AKT3: variants seen among roughly 807,000 people sequenced by gnomAD.
The protein encoded by AKT3 is RAC-gamma serine/threonine-protein kinase.
A neutral mutation model predicts 65.3 loss-of-function variants in AKT3; 15 were observed. The ratio of observed to expected loss-of-function variants is 0.23; its 90% confidence interval spans 0.15 to 0.35. AKT3 has a LOEUF of 0.35. Among genes scored for constraint, AKT3 ranks in the 10% least tolerant of loss-of-function variants. AKT3 has a pLI of 1.00. For missense variants in AKT3, 243 were observed against 576.5 expected (o/e 0.42, Z 5.92); for synonymous variants, 206 against 183.8 (o/e 1.12, Z -0.98).
chr1:243,799,987 T>TC (rs1254635769), intron 2 of AKT3, among the ~76,000 whole-genome samples: 1 of 151,630 alleles, frequency 6.6e-6, no homozygotes. Flanking sequence ...AACTTAAAGT[T>TC]CCTTTTTTTT....
chr1:243,619,445 A>ATTG (rs1480094493), intron 6 of AKT3, among the ~76,000 whole-genome samples: 32 of 40,860 alleles, frequency 7.8e-4, no homozygotes, highest in Admixed American at 3.2e-3. Context: ...ACTATCTAAC[A>ATTG]CTAGGTCTTA....
chr1:243,602,259 A>G (rs1017989045), intron 8 of AKT3, among the ~76,000 whole-genome samples: 6 of 152,164 alleles, frequency 3.9e-5, no homozygotes, highest in African/African-American at 1.4e-4. Context: ...CCGACTTTAC[A>G]TTGCCTTTAG....
At chr1:243,496,335 G>A (rs570135435), downstream of AKT3, among the ~76,000 whole-genome samples, 3 of 151,274 alleles carry the variant, frequency 2.0e-5, no homozygotes, top group South Asian at 4.1e-4. Flanking sequence ...AACACGAGGC[G>A]GAGGCGGGAG....
In AKT3 at chr1:243,503,580, C is replaced by G. The variant is rs889473689; in HGVS notation, c.*1669G>C. 4.3e-6 allele frequency: 1 copy of G among 232,978 alleles called. No individual in the cohort carries two copies. The highest frequency in any genetic ancestry group is 2.2e-5 in the African/African-American group (1 of 45,212). The allele number at this position is 232,978 out of a possible 1,614,324, so 14.4% of individuals were successfully genotyped here. On this transcript the variant is annotated 3_prime_UTR_variant, in exon 14 of 14. Coordinates refer to ENST00000673466, the MANE Select transcript of AKT3 (RefSeq NM_005465.7). ...CTTTGGAAATTGTCAGCTCCTAGCA[C>G]CAAAGGGTTTAATCTGAAGATCATC...
chr1:243,828,720 G>A (rs775202534), intron 2 of AKT3, among the ~76,000 whole-genome samples: 3 of 151,974 alleles, frequency 2.0e-5, no homozygotes, highest in East Asian at 1.9e-4. Context: ...TGTTATCCGC[G>A]AGGCTTCCAG....
intron 6 of AKT3, among the ~76,000 whole-genome samples, chr1:243,623,938 A>C (rs1456650904): frequency 6.6e-6 from 1 of 152,188 alleles, no homozygotes; most frequent in African/African-American, 2.4e-5. Flanking sequence ...TAAAGCTTGC[A>C]CTTGGTTTCT....
chr1:243,849,386 A>ACCCCCCC (rs57424400), intron 1 of AKT3, among the ~76,000 whole-genome samples: 1,412 of 107,112 alleles, frequency 0.013, 2 homozygotes, highest in African/African-American at 0.021. Context: ...CCACACACAC[A>ACCCCCCC]CCCCCCCCCC....
intron 2 of AKT3, among the ~76,000 whole-genome samples, chr1:243,820,072 C>T (rs1294943745): frequency 6.6e-6 from 1 of 152,188 alleles, no homozygotes; most frequent in African/African-American, 2.4e-5. Flanking sequence ...GCGCATGCCA[C>T]CACGCCCAGC....
chr1:243,514,275 C>T (rs1670203714), intron 12 of AKT3, among the ~76,000 whole-genome samples: 1 of 152,114 alleles, frequency 6.6e-6, no homozygotes, highest in Admixed American at 6.5e-5. Context: ...TTAAATTTGC[C>T]TTCAAGTTAG....
chr1:243,791,887 C>T (rs534490745), intron 2 of AKT3, among the ~76,000 whole-genome samples: 1 of 152,266 alleles, frequency 6.6e-6, no homozygotes, highest in East Asian at 1.9e-4. Flanking sequence ...TAAAAGGAAA[C>T]AAACTTTTTA....
intron 2 of AKT3, among the ~76,000 whole-genome samples, chr1:243,790,036 A>T (rs888372758): frequency 1.3e-5 from 2 of 152,218 alleles, no homozygotes; most frequent in Non-Finnish European, 2.9e-5. Flanking sequence ...GCACAGGCAG[A>T]ATACAGATTT....
rs569139274 is a variant in AKT3, at chr1:243,623,286, C to T, written c.562-8125G>A. Among the ~76,000 whole-genome samples, 8 of 152,328 alleles carry T rather than the reference C, an allele frequency of 5.3e-5. No homozygotes were observed. In the East Asian group the frequency reaches 7.7e-4, roughly 15 times the overall value. On this transcript the variant is annotated intron_variant, in intron 6 of 13. Coordinates refer to ENST00000673466, the MANE Select transcript of AKT3 (RefSeq NM_005465.7). ...CCAATAAAAACCCTGGACACCAAGG[C>T]TCAGGTAAGCTTCTTTAGTTGACAA... is the stretch of plus-strand genomic sequence containing the variant.
downstream of AKT3, among the ~76,000 whole-genome samples, chr1:243,495,692 C>T (rs1359799359): frequency 6.6e-6 from 1 of 152,158 alleles, no homozygotes; most frequent in African/African-American, 2.4e-5. Flanking sequence ...GTGCTCCCTT[C>T]TGACAGGTGG....
At chr1:243,572,126 C>T (rs778520341) in intron 9 of AKT3, among the ~76,000 whole-genome samples, 14 of 152,180 alleles carry the variant, frequency 9.2e-5, no homozygotes, top group Non-Finnish European at 1.5e-4. Context: ...CCTTTAATGT[C>T]GCCAACCTAA....
intron 2 of AKT3, among the ~76,000 whole-genome samples, chr1:243,761,198 G>A (rs1269785867): frequency 6.6e-6 from 1 of 152,092 alleles, no homozygotes; most frequent in Non-Finnish European, 1.5e-5. Context: ...TTTACTCTAT[G>A]TACAAGAAAA....
intron 12 of AKT3, among the ~76,000 whole-genome samples, chr1:243,539,176 T>C (rs1672123645): frequency 6.6e-6 from 1 of 152,148 alleles, no homozygotes; most frequent in Non-Finnish European, 1.5e-5. Context: ...GATTTTCTTC[T>C]GCATCTGCCA....
intron 2 of AKT3, among the ~76,000 whole-genome samples, chr1:243,751,057 A>C (rs1207830814): frequency 6.6e-6 from 1 of 152,210 alleles, no homozygotes; most frequent in Non-Finnish European, 1.5e-5. Flanking sequence ...ATTCTGAGCT[A>C]ACTGGCCCAA....
At chr1:243,736,204 C>T (rs1372770054) in intron 2 of AKT3, among the ~76,000 whole-genome samples, 1 of 152,122 alleles carries the variant, frequency 6.6e-6, no homozygotes, top group Non-Finnish European at 1.5e-5. Flanking sequence ...CACTAGAAAA[C>T]TGGATGATAA....
intron 3 of AKT3, among the ~76,000 whole-genome samples, chr1:243,693,241 T>TATATATATA (rs1421255607): frequency 2.6e-4 from 10 of 38,254 alleles, no homozygotes; most frequent in Non-Finnish European, 5.2e-4. Flanking sequence ...TAGCTACAAT[T>TATATATATA]TGATATATAT....
Sources: gnomAD v4.1 joint callset for allele counts (sites outside exome capture counted in the v4.1 genomes callset) on GRCh38, gnomAD v4.1.1 for gene constraint, MANE v1.5 for transcripts, NCBI Gene and HGNC (gene_info 2026-07-23, HGNC 2026-07-21) for gene names.